The following CACNA2D4 variants were observed in gnomAD, a reference collection of about 807,000 sequenced individuals.
CACNA2D4 encodes the protein voltage-dependent calcium channel subunit alpha-2/delta-4.
In CACNA2D4, 157 loss-of-function variants were observed where a neutral mutation model predicts 163.8. The ratio of observed to expected loss-of-function variants is 0.96; its 90% CI spans 0.84 to 1.09. The LOEUF (loss-of-function observed/expected upper bound fraction) is 1.09, where lower values mean the gene tolerates loss of function less well. Among genes scored for constraint, CACNA2D4 ranks in the 50% least tolerant of loss-of-function variants. The pLI, the probability that CACNA2D4 is intolerant of heterozygous loss-of-function variation, is 0.00. For synonymous variants in CACNA2D4, 598 were observed against 586.9 expected (o/e 1.02, Z -0.27); for missense variants, 1,410 against 1,479.9 (o/e 0.95, Z 0.78).
chr12:1,823,258 G>A (rs1210046176), intron 26 of CACNA2D4: 4 of 152,386 alleles, frequency 2.6e-5, no homozygotes, highest in African/African-American at 9.7e-5. Flanking sequence ...GAGAGGAAGG[G>A]TGCGGACACC....
At position 1,878,364 on chromosome 12, in the gene CACNA2D4, A is replaced by C. The variant is rs1243029682; in HGVS notation, c.1670T>G (p.Leu557Arg). 6.2e-7 allele frequency: 1 copy of C among 1,607,900 alleles called. No homozygotes were observed. Among genetic ancestry groups the C allele is most frequent in the Non-Finnish European group, 8.5e-7 (1 of 1,177,436 alleles). ...GAGGATGTAGCCATTGTTGGTGTTC[A>C]GAAAGGCGTATCCGTGCACTCCAAG... ...YKLGVHGYAF[L>R]NTNNGYILSH... Residue 557 changes from leucine to arginine, a missense_variant, in exon 16 of 38, where the codon CTG becomes CGG. Coordinates refer to ENST00000382722, the MANE Select transcript of CACNA2D4 (RefSeq NM_172364.5). This position sits in a 1 kb window ranked among gnomAD's most constrained non-coding sequence, Gnocchi z 4.6.
Position 1,878,276 on chromosome 12 carries a change from TA to T in CACNA2D4, c.1719+38del, listed in dbSNP as rs34323075. ...TTTTGTGAATTACCCCCAAATCCCA[TA>T]CAGTAAGGATCCCAAGGCAAAGAAG... is the stretch of plus-strand genomic sequence containing the variant. On this transcript the variant is annotated intron_variant, in intron 16 of 37. Transcript: ENST00000382722. This position sits in a 1 kb window ranked among gnomAD's most constrained non-coding sequence, Gnocchi z 4.6. 0.12 allele frequency: 195,789 copies of T among 1,585,404 alleles called. 12,638 individuals carry two copies. The highest frequency in any genetic ancestry group is 0.14 in the Admixed American group (7,857 of 55,782).
chr12:1,836,302 A>G (rs118070468), intron 26 of CACNA2D4: 1,963 of 152,492 alleles, frequency 0.013, 19 homozygotes, highest in Non-Finnish European at 0.021. Context: ...AGGAGGCATC[A>G]GGCTCGTCCC....
At chr12:1,800,185 T>A (rs1352636924) in intron 32 of CACNA2D4, 133 bp from the exon 33 acceptor site, 9 of 1,031,132 alleles carry the variant, frequency 8.7e-6, no homozygotes, top group Middle Eastern at 2.0e-4. Context: ...GCTTGAGGGC[T>A]CTGGTTGAGC....
intron 29 of CACNA2D4, among the ~76,000 whole-genome samples, chr12:1,804,461 G>C (rs1236521985): frequency 6.6e-6 from 1 of 152,150 alleles, no homozygotes; most frequent in Non-Finnish European, 1.5e-5. Context: ...TGAGAAGAGA[G>C]GTCCCTGAGA....
At chr12:1,888,915 A>G (rs186631890) in intron 6 of CACNA2D4, among the ~76,000 whole-genome samples, 30 of 152,352 alleles carry the variant, frequency 2.0e-4, no homozygotes, top group Admixed American at 1.6e-3. Flanking sequence ...ATATCCACAT[A>G]TAGACACATA....
chr12:1,801,055 C>G lies in CACNA2D4; in HGVS notation c.2856G>C (p.Gln952His). ...GGGTGACACTCACGCTGACCAGGGG[C>G]TGGGCTGCACTGTGGTGGTGACTCG... The part of the protein sequence containing the change: ...KPSSHHHSAA[Q>H]PLVSPISAFL... Residue 952 changes from glutamine (Q) to histidine (H), a missense_variant, in exon 31 of 38, where the codon CAG becomes CAC. Coordinates refer to ENST00000382722, the MANE Select transcript of CACNA2D4 (RefSeq NM_172364.5). 6.2e-7 allele frequency: 1 copy of G among 1,613,274 alleles called. No homozygotes were observed. The highest frequency in any genetic ancestry group is 1.1e-5 in the South Asian group (1 of 91,060).
At chr12:1,801,520 C>T (rs1399467582) in intron 30 of CACNA2D4, 54 bp downstream of exon 30, 1 of 1,365,362 alleles carries the variant, frequency 7.3e-7, no homozygotes, top group East Asian at 2.5e-5. Context: ...CACTTAGCGT[C>T]AGCTCTCGGT....
chr12:1,871,283 AC>A (rs1865770231), intron 18 of CACNA2D4, among the ~76,000 whole-genome samples: 1 of 138,454 alleles, frequency 7.2e-6, no homozygotes, highest in South Asian at 2.3e-4. Context: ...GTGTGTGTAC[AC>A]CTGTATGTTG....
chr12:1,848,804 C>T (rs1490518771), intron 23 of CACNA2D4, among the ~76,000 whole-genome samples: 1 of 147,822 alleles, frequency 6.8e-6, no homozygotes, highest in African/African-American at 2.6e-5. Context: ...GACAGGTTCT[C>T]ACTACGTTGC....
chr12:1,863,244 T>C (rs1369481561), intron 18 of CACNA2D4, among the ~76,000 whole-genome samples: 1 of 152,206 alleles, frequency 6.6e-6, no homozygotes, highest in African/African-American at 2.4e-5. Context: ...ATAATATATG[T>C]GTGGGCTATT....
In CACNA2D4 at chr12:1,886,245, T is replaced by TA; in HGVS notation, c.970_971insT (p.Asn324IlefsTer2). On this transcript the variant is annotated frameshift_variant, in exon 8 of 38. Transcript: ENST00000382722. LOFTEE classifies it high-confidence loss of function. Reference sequence around the variant, plus strand: ...TACCGCTATGATATTAATGAAGTCATTCTCCCCCAGGGTGTCCAAGATGGT... The same window carrying TA: ...TACCGCTATGATATTAATGAAGTCATATCTCCCCCAGGGTGTCCAAGATGGT... 6.2e-7 allele frequency: 1 copy of TA among 1,613,380 alleles called. No homozygotes were observed. Among genetic ancestry groups the TA allele is most frequent in the Non-Finnish European group, 8.5e-7 (1 of 1,179,380 alleles).
intron 26 of CACNA2D4, among the ~76,000 whole-genome samples, chr12:1,838,598 G>C (rs1042235649): frequency 3.3e-5 from 5 of 152,234 alleles, no homozygotes; most frequent in African/African-American, 9.6e-5. Flanking sequence ...CAGAGTGTAA[G>C]AGCGATTGTC....
chr12:1,811,822 G>A (rs1042049322), intron 26 of CACNA2D4, 99 bp from the exon 27 acceptor site: 6 of 1,207,118 alleles, frequency 5.0e-6, no homozygotes, highest in Non-Finnish European at 6.0e-6. Context: ...CAGGAACTGA[G>A]GAGAGAGACC....
chr12:1,856,371 G>T (rs117303011), intron 20 of CACNA2D4, 142 bp from the exon 21 acceptor site: 3 of 851,246 alleles, frequency 3.5e-6, no homozygotes, highest in African/African-American at 1.7e-5. Context: ...CACAGTAGGA[G>T]AACATGGCTA....
At chr12:1,885,729 A>G (rs998300510) in intron 9 of CACNA2D4, among the ~76,000 whole-genome samples, 1 of 152,228 alleles carries the variant, frequency 6.6e-6, no homozygotes, top group Non-Finnish European at 1.5e-5. Flanking sequence ...CCAGTCCTGA[A>G]TAAGGAAGGT....
intron 26 of CACNA2D4, among the ~76,000 whole-genome samples, chr12:1,832,904 C>T (rs115013245): frequency 0.016 from 2,364 of 152,302 alleles, 72 homozygotes; most frequent in African/African-American, 0.051. Context: ...GTCTTCCCAG[C>T]AGGGAAATGA....
chr12:1,797,798 G>A, intron 34 of CACNA2D4: 1 of 547,172 alleles, frequency 1.8e-6, no homozygotes, highest in Non-Finnish European at 3.3e-6. Flanking sequence ...CCTCTGGGGA[G>A]CCTGGCCCTC....
At chr12:1,895,920 T>A (rs1353258519) in intron 6 of CACNA2D4, among the ~76,000 whole-genome samples, 2 of 152,132 alleles carry the variant, frequency 1.3e-5, no homozygotes, top group African/African-American at 4.8e-5. Flanking sequence ...ATTACAAGTG[T>A]GAGCCACCAT....
Sources: gnomAD v4.1 joint callset for allele counts (sites outside exome capture counted in the v4.1 genomes callset) on GRCh38, gnomAD v4.1.1 for gene constraint, Gnocchi (gnomAD v3.1) non-coding constraint, MANE v1.5 for transcripts, NCBI Gene and HGNC (gene_info 2026-07-23, HGNC 2026-07-21) for gene names.